The following SKIDA1 variants were observed in gnomAD, a reference collection of about 807,000 sequenced individuals.
SKIDA1 encodes SKI/DACH domain-containing protein 1.
Under a neutral mutation model 51.4 loss-of-function variants are expected in SKIDA1, and 18 were observed. That is an observed-to-expected ratio of 0.35 (90% CI 0.24 to 0.52). The LOEUF (loss-of-function observed/expected upper bound fraction) is 0.52, where lower values mean the gene tolerates loss of function less well. SKIDA1 is among the 20% of genes least tolerant of loss of function. The probability of loss-of-function intolerance (pLI) is 0.95; values close to 1 mark genes in which losing one functional copy is unlikely to be tolerated. For missense variants in SKIDA1, 1,104 were observed against 1,180.6 expected (o/e 0.94, Z 0.95); for synonymous variants, 579 against 500.5 (o/e 1.16, Z -2.09).
intron 3 of SKIDA1, among the ~76,000 whole-genome samples, chr10:21,520,123 A>AT (rs2032350595): frequency 6.6e-6 from 1 of 152,202 alleles, no homozygotes; most frequent in Non-Finnish European, 1.5e-5. Context: ...AGCAAATTAC[A>AT]TTTTTGTCCC....
At chr10:21,520,942 ATAC>A (rs911149251) in intron 3 of SKIDA1, among the ~76,000 whole-genome samples, 9 of 152,088 alleles carry the variant, frequency 5.9e-5, no homozygotes, top group East Asian at 1.9e-4. Flanking sequence ...TACATTTTTA[ATAC>A]TACTATTACA....
At position 21,516,802 on chromosome 10, in the gene SKIDA1, G is replaced by A. The variant is rs996209554; in HGVS notation, c.1021C>T (p.His341Tyr). ...GFCPPPHHHHHHHHHHHHHHH... is the reference protein window; with the variant it reads ...GFCPPPHHHHYHHHHHHHHHH... The stretch of plus-strand genomic sequence containing the variant: ...TGGTGGTGGTGGTGATGGTGGTGGT[G>A]GTGGTGGTGGTGCGGAGGCGGGCAG... Residue 341 changes from histidine to tyrosine, a missense_variant, in exon 4 of 4, where the codon CAC (histidine) becomes TAC (tyrosine). This residue lies in a region of SKIDA1 where 938 missense variants were observed against 886.4 expected (regional missense o/e 1.06). Coordinates refer to ENST00000449193, the MANE Select transcript of SKIDA1 (RefSeq NM_207371.4). This position sits in a 1 kb window ranked among gnomAD's most constrained non-coding sequence, Gnocchi z 5.7. 2.6e-6 allele frequency: 4 copies of A among 1,542,120 alleles called. No homozygotes were observed. In the African/African-American group the frequency reaches 5.5e-5, roughly 21 times the overall value.
intron 3 of SKIDA1, 29 bp from the exon 4 acceptor site, chr10:21,519,687 C>A (rs1287912796): frequency 1.2e-5 from 2 of 167,058 alleles, no homozygotes; most frequent in South Asian, 2.1e-4. Flanking sequence ...ACAGTAATTT[C>A]TTTTTTCACA....
intron 2 of SKIDA1, among the ~76,000 whole-genome samples, chr10:21,521,927 T>A (rs2032406684): frequency 6.6e-6 from 1 of 152,268 alleles, no homozygotes; most frequent in African/African-American, 2.4e-5. Context: ...CATATGAATG[T>A]GCTAGATTTA....
In SKIDA1 at chr10:21,516,850, T is replaced by G; in HGVS notation, c.973A>C (p.Arg325=). ...CAGAAGCCGTTGACCAGATGAAACC[T>G]CTCCAGGCAAGTGGCCCCCGCGGCG... The part of the protein sequence containing the change: ...AAAAGATCLE[R]FHLVNGFCPP... The change falls in exon 4 of 4, where the codon AGG becomes CGG. Residue 325 remains arginine (R), a synonymous_variant. Transcript: ENST00000449193. This position sits in a 1 kb window ranked among gnomAD's most constrained non-coding sequence, Gnocchi z 5.7. 1.4e-6 allele frequency: 2 copies of G among 1,437,926 alleles called. No homozygotes were observed. Among genetic ancestry groups the G allele is most frequent in the Non-Finnish European group, 1.8e-6 (2 of 1,094,298 alleles). The allele number at this position is 1,437,926 out of a possible 1,614,324, so 89.1% of individuals were successfully genotyped here. A position where few individuals can be genotyped will look rare whatever the true frequency, so the allele number is the denominator to read the frequency against.
rs377231513 is a variant in SKIDA1 at position 21,515,646 on chromosome 10, T to G, written c.2177A>C (p.Glu726Ala). 3.0e-5 allele frequency: 48 copies of G among 1,613,952 alleles called. No individual in the cohort carries two copies. Among genetic ancestry groups the G allele is most frequent in the Non-Finnish European group, 4.1e-5 (48 of 1,179,908 alleles). Reference sequence around the variant, plus strand: ...GGCTGTGGTTAACAAGGCGTCCTCCTCTTTACTCTCAGTCACACTGTAAAA... The same window carrying G: ...GGCTGTGGTTAACAAGGCGTCCTCCGCTTTACTCTCAGTCACACTGTAAAA... ...GEFYSVTESK[E>A]EDALLTTAKE... Residue 726 changes from glutamate (E) to alanine (A), a missense_variant, in exon 4 of 4, where the codon GAG becomes GCG. Around this residue, in one of 3 missense-constraint regions of SKIDA1, gnomAD observed 938 missense variants for 886.4 expected, o/e 1.06. Coordinates refer to ENST00000449193, the MANE Select transcript of SKIDA1 (RefSeq NM_207371.4).
intron 3 of SKIDA1, among the ~76,000 whole-genome samples, chr10:21,520,540 A>G (rs1330712140): frequency 7.5e-6 from 1 of 134,060 alleles, no homozygotes; most frequent in African/African-American, 2.8e-5. Flanking sequence ...AAGAAATAGT[A>G]AACTCAGAAA....
At position 21,514,399 on chromosome 10, in the gene SKIDA1, C is replaced by CA. The variant is rs140693882; in HGVS notation, c.*696dup. On this transcript the variant is annotated 3_prime_UTR_variant, in exon 4 of 4. Coordinates refer to ENST00000449193, the MANE Select transcript of SKIDA1 (RefSeq NM_207371.4). ...TTTAAAAGTAAAATCACACCCTTTACAAAAAAAATACAATTCCGTATTTAT... is the reference window on the plus strand; with the variant it reads ...TTTAAAAGTAAAATCACACCCTTTACAAAAAAAAATACAATTCCGTATTTAT... 768 of 140,880 alleles carry CA rather than the reference C, an allele frequency of 5.5e-3. 4 individuals are homozygous for CA. Among genetic ancestry groups the CA allele is most frequent in the Middle Eastern group, 0.025 (7 of 280 alleles). 8.7% of individuals were successfully genotyped at this position (140,880 alleles called of 1,614,324 possible). A position where few individuals can be genotyped will look rare whatever the true frequency, so the allele number is the denominator to read the frequency against.
chr10:21,523,752 G>A lies in SKIDA1; in HGVS notation c.-1998C>T, dbSNP rs979706825. ...GGAGAGAGGAGAGACAAGACATGAG[G>A]AGCCTGATGGTCTCTGGAAAGGGAA... On this transcript the variant is annotated 5_prime_UTR_variant, in exon 2 of 4. Coordinates refer to ENST00000449193, the MANE Select transcript of SKIDA1 (RefSeq NM_207371.4). The A allele has an allele frequency of 5.3e-5, 8 of 152,272 alleles. No homozygotes were observed. The South Asian group carries it at 1.7e-3, about 32-fold the overall frequency. The allele number at this position is 152,272 out of a possible 1,614,324, so 9.4% of individuals were successfully genotyped here. A position where few individuals can be genotyped will look rare whatever the true frequency, so the allele number is the denominator to read the frequency against.
At chr10:21,524,997 G>T (rs1454363693) in intron 1 of SKIDA1, among the ~76,000 whole-genome samples, 1 of 152,154 alleles carries the variant, frequency 6.6e-6, no homozygotes, top group Non-Finnish European at 1.5e-5. Context: ...TAATAAAAAA[G>T]GCTTGCTGTG....
Position 21,517,935 on chromosome 10 carries a change from G to A in SKIDA1, c.-113C>T, listed in dbSNP as rs2032291813. On this transcript the variant is annotated 5_prime_UTR_variant, in exon 4 of 4. Transcript: ENST00000449193. This position sits in a 1 kb window ranked among gnomAD's most constrained non-coding sequence, Gnocchi z 6.9. ...TGCTGCGTGTGTCTCAAGGCATCCT[G>A]CTAATAAAATAACAAAGACTGTTAT... 2.1e-6 allele frequency: 2 copies of A among 962,066 alleles called. No homozygotes were observed. Among genetic ancestry groups the A allele is most frequent in the Admixed American group, 3.4e-5 (1 of 29,084 alleles). 59.6% of individuals were successfully genotyped at this position (962,066 alleles called of 1,614,324 possible). A position where few individuals can be genotyped will look rare whatever the true frequency, so the allele number is the denominator to read the frequency against.
rs1588696887 is a variant in SKIDA1 at position 21,525,628 on chromosome 10, G to C, written c.-2199C>G. Reference sequence around the variant, plus strand: ...AAGAACCGCAGCAAGAGGAAGGGGAGGAGAGAGGAGAGGGAGGAGTAAATT... The same window carrying C: ...AAGAACCGCAGCAAGAGGAAGGGGACGAGAGAGGAGAGGGAGGAGTAAATT... On this transcript the variant is annotated 5_prime_UTR_variant, in exon 1 of 4. Coordinates refer to ENST00000449193, the MANE Select transcript of SKIDA1 (RefSeq NM_207371.4). 6.6e-6 allele frequency: 1 copy of C among 152,614 alleles called. No individual in the cohort carries two copies. Among genetic ancestry groups the C allele is most frequent in the South Asian group, 2.1e-4 (1 of 4,832 alleles). 9.5% of individuals were successfully genotyped at this position (152,614 alleles called of 1,614,324 possible).
rs758115397 is a variant in SKIDA1 at position 21,515,325 on chromosome 10, G to C, written c.2498C>G (p.Ala833Gly). 2.0e-5 allele frequency: 33 copies of C among 1,613,850 alleles called. No individual in the cohort carries two copies. Among genetic ancestry groups the C allele is most frequent in the Non-Finnish European group, 2.7e-5 (32 of 1,179,902 alleles). ...TTTCACTGCTGATGCTACATTGCTG[G>C]CTACCTTTTTGCGTCTGTTTATAAC... ...FTVINRRKKV[A>G]SNVASAVKRP... The change falls in exon 4 of 4, where the codon GCC becomes GGC. Residue 833 changes from alanine (A) to glycine (G), a missense_variant. Ala to Gly is a moderately conservative substitution (Grantham distance 60). Around this residue, in one of 3 missense-constraint regions of SKIDA1, gnomAD observed 112 missense variants for 168.3 expected, o/e 0.67. Transcript: ENST00000449193.
chr10:21,522,128 C>T (rs2032412180), intron 2 of SKIDA1, among the ~76,000 whole-genome samples: 1 of 152,142 alleles, frequency 6.6e-6, no homozygotes, highest in African/African-American at 2.4e-5. Flanking sequence ...TTTTGAAAAC[C>T]TGAAGGAAAA....
intron 2 of SKIDA1, among the ~76,000 whole-genome samples, chr10:21,522,266 A>ACCGCCCCC (rs1564338473): frequency 9.9e-5 from 3 of 30,444 alleles, no homozygotes; most frequent in Non-Finnish European, 1.2e-4. Context: ...GATCACAGCC[A>ACCGCCCCC]CCCCCCCCCC....
In SKIDA1 at chr10:21,516,788, G is replaced by GTGA. The variant is rs1206668452; in HGVS notation, c.1032_1034dup (p.His351dup). 7 of 1,539,280 alleles carry GTGA rather than the reference G, an allele frequency of 4.5e-6. No individual in the cohort carries two copies. The highest frequency in any genetic ancestry group is 2.0e-5 in the Admixed American group (1 of 50,742). The stretch of plus-strand genomic sequence containing the variant: ...GGGCCCGGTGGTGGTGGTGGTGGTG[G>GTGA]TGATGGTGGTGGTGGTGGTGGTGGT... On this transcript the variant is annotated inframe_insertion, in exon 4 of 4. Coordinates refer to ENST00000449193, the MANE Select transcript of SKIDA1 (RefSeq NM_207371.4). This position sits in a 1 kb window ranked among gnomAD's most constrained non-coding sequence, Gnocchi z 5.7.
rs1269222155 is a variant in SKIDA1, at chr10:21,517,947, A to G, written c.-125T>C. 2 of 884,640 alleles carry G rather than the reference A, an allele frequency of 2.3e-6. No individual in the cohort carries two copies. The highest frequency in any genetic ancestry group is 3.2e-6 in the Non-Finnish European group (2 of 620,674). The allele number at this position is 884,640 out of a possible 1,614,324, so 54.8% of individuals were successfully genotyped here. A position where few individuals can be genotyped will look rare whatever the true frequency, so the allele number is the denominator to read the frequency against. On this transcript the variant is annotated 5_prime_UTR_variant, in exon 4 of 4. Transcript: ENST00000449193. This position sits in a 1 kb window ranked among gnomAD's most constrained non-coding sequence, Gnocchi z 6.9. ...CTCAAGGCATCCTGCTAATAAAATA[A>G]CAAAGACTGTTATTCCCGGCGAAGG...
Position 21,513,656 on chromosome 10 carries a change from G to C in SKIDA1, c.*1440C>G, listed in dbSNP as rs1470587424. 1.3e-5 allele frequency: 2 copies of C among 152,602 alleles called. No homozygotes were observed. The highest frequency in any genetic ancestry group is 1.3e-4 in the Admixed American group (2 of 15,280). 9.5% of individuals were successfully genotyped at this position (152,602 alleles called of 1,614,324 possible). ...TACTTTGATTTTAAGTGCAAATATA[G>C]ATAGTCACCTCTGATTGTCACTTGC... On this transcript the variant is annotated 3_prime_UTR_variant, in exon 4 of 4. Coordinates refer to ENST00000449193, the MANE Select transcript of SKIDA1 (RefSeq NM_207371.4).
chr10:21,523,510 T>A (rs1384162106), intron 2 of SKIDA1, among the ~76,000 whole-genome samples, 173 bp downstream of exon 2: 4 of 152,146 alleles, frequency 2.6e-5, no homozygotes. Context: ...TCACAATTGA[T>A]CCTGAATGCA....
Sources: gnomAD v4.1 joint callset for allele counts (sites outside exome capture counted in the v4.1 genomes callset) on GRCh38, gnomAD v4.1.1 for gene constraint, gnomAD v4.1.1 regional missense constraint, Gnocchi (gnomAD v3.1) non-coding constraint, MANE v1.5 for transcripts, NCBI Gene and HGNC (gene_info 2026-07-23, HGNC 2026-07-21) for gene names.